Variants in NR2F1-AS1 observed in about 807,000 individuals in gnomAD.
NR2F1-AS1 encodes NR2F1 regulatory antisense RNA 1, also known as NR2F1 antisense RNA 1.
chr5:93,484,778 CA>C (rs61083284), intron 4 of NR2F1-AS1, among the ~76,000 whole-genome samples: 7,769 of 84,260 alleles, frequency 0.092, 535 homozygotes, highest in African/African-American at 0.24. Context: ...AAATGGAAAG[CA>C]AAAAAAAAAA....
intron 1 of NR2F1-AS1, among the ~76,000 whole-genome samples, chr5:93,564,619 C>T (rs1335088893): frequency 1.3e-5 from 2 of 152,100 alleles, no homozygotes; most frequent in East Asian, 1.9e-4. Context: ...AGAAACAAGC[C>T]CATTTTCCAA....
intron 4 of NR2F1-AS1, among the ~76,000 whole-genome samples, chr5:93,507,881 C>T (rs1440645603): frequency 1.3e-5 from 2 of 151,924 alleles, no homozygotes; most frequent in Non-Finnish European, 2.9e-5. Context: ...CCAATAGAAA[C>T]AAAATCATAA....
chr5:93,554,157 T>C (rs1409567894), intron 3 of NR2F1-AS1, among the ~76,000 whole-genome samples: 1 of 152,180 alleles, frequency 6.6e-6, no homozygotes, highest in Non-Finnish European at 1.5e-5. Flanking sequence ...GTTTCTGACT[T>C]GCAAAATCAG....
At chr5:93,458,923 A>G (rs1309387370) in intron 4 of NR2F1-AS1, among the ~76,000 whole-genome samples, 6 of 152,082 alleles carry the variant, frequency 3.9e-5, no homozygotes, top group Admixed American at 3.9e-4. Context: ...GAGACAAGAG[A>G]ATCGCTTGAA....
At chr5:93,442,540 G>A (rs1378723410) in intron 4 of NR2F1-AS1, among the ~76,000 whole-genome samples, 2 of 152,168 alleles carry the variant, frequency 1.3e-5, no homozygotes, top group Non-Finnish European at 2.9e-5. Flanking sequence ...CAAAGTGGCT[G>A]GGAAGCTCAA....
At chr5:93,574,032 T>C (rs955261752) in intron 1 of NR2F1-AS1, among the ~76,000 whole-genome samples, 4 of 152,244 alleles carry the variant, frequency 2.6e-5, no homozygotes, top group African/African-American at 7.2e-5. Flanking sequence ...CAGCAGCTAA[T>C]TGGAAAAGTC....
At chr5:93,418,095 C>T (rs1309259282) in intron 4 of NR2F1-AS1, among the ~76,000 whole-genome samples, 14 of 152,070 alleles carry the variant, frequency 9.2e-5, no homozygotes, top group Non-Finnish European at 1.0e-4. Context: ...TAAAGGATAG[C>T]CAACTATTCT....
intron 4 of NR2F1-AS1, among the ~76,000 whole-genome samples, chr5:93,456,100 A>G (rs1050452204): frequency 2.6e-5 from 4 of 152,210 alleles, no homozygotes; most frequent in Non-Finnish European, 5.9e-5. Flanking sequence ...AAATAATAAC[A>G]GGCACACAGA....
At chr5:93,585,043 G>T, upstream of NR2F1-AS1, 1 of 1,033,968 alleles carries the variant, frequency 9.7e-7, no homozygotes, top group East Asian at 8.8e-5. Context: ...GTAGTTAGCA[G>T]CTGGCGAGAT....
intron 4 of NR2F1-AS1, among the ~76,000 whole-genome samples, chr5:93,502,526 A>G (rs2149886477): frequency 6.6e-6 from 1 of 152,268 alleles, no homozygotes; most frequent in East Asian, 1.9e-4. Flanking sequence ...AGGACAGGAT[A>G]TGTGGTTTGG....
chr5:93,452,839 T>C (rs557518111), intron 4 of NR2F1-AS1, among the ~76,000 whole-genome samples: 1 of 152,058 alleles, frequency 6.6e-6, no homozygotes, highest in East Asian at 1.9e-4. Context: ...CCCAAGTAAT[T>C]TAAATGCATG....
chr5:93,509,569 A>C (rs930302665), intron 4 of NR2F1-AS1, among the ~76,000 whole-genome samples: 24 of 152,058 alleles, frequency 1.6e-4, no homozygotes, highest in Non-Finnish European at 2.8e-4. Context: ...GAAAGTGGTT[A>C]TCTCTGGAGA....
At position 93,519,305 on chromosome 5, in the gene NR2F1-AS1, C is replaced by T. The variant is rs146994712; in HGVS notation, n.638+34456G>A. On this transcript the variant is annotated intron_variant and non_coding_transcript_variant, in intron 4 of 5. Coordinates refer to ENST00000660523, the Ensembl canonical transcript of NR2F1-AS1. ...CATTCCAGGGCACACATTCATTGAGCGAAATATTTTAACTTCTCTTTCTTT... is the reference window on the plus strand; with the variant it reads ...CATTCCAGGGCACACATTCATTGAGTGAAATATTTTAACTTCTCTTTCTTT... Among the ~76,000 whole-genome samples the T allele has an allele frequency of 2.8e-3, 422 of 152,036 alleles. 1 individual carries two copies. Among genetic ancestry groups the T allele is most frequent in the African/African-American group, 1.0e-2 (415 of 41,524 alleles).
chr5:93,490,935 G>C (rs1255985860), intron 4 of NR2F1-AS1, among the ~76,000 whole-genome samples: 1 of 150,348 alleles, frequency 6.7e-6, no homozygotes, highest in Non-Finnish European at 1.5e-5. Context: ...GGTGATGGTG[G>C]TGGTGGGAGT....
upstream of NR2F1-AS1, among the ~76,000 whole-genome samples, chr5:93,581,800 TCTC>T (rs1753075062): frequency 2.1e-5 from 1 of 48,738 alleles, no homozygotes; most frequent in Non-Finnish European, 3.7e-5. Context: ...TCCCTCTCCC[TCTC>T]CCTCTCCCTC....
rs183831095 is a variant in NR2F1-AS1 at position 93,466,580 on chromosome 5, C to T, written n.639-71038G>A. Among the ~76,000 whole-genome samples the T allele has an allele frequency of 1.9e-3, 288 of 152,106 alleles. 3 individuals carry two copies. Among genetic ancestry groups the T allele is most frequent in the African/African-American group, 6.6e-3 (276 of 41,510 alleles). On this transcript the variant is annotated intron_variant and non_coding_transcript_variant, in intron 4 of 5. Coordinates refer to ENST00000660523, the Ensembl canonical transcript of NR2F1-AS1. ...CCCAAACTCCTGACCTGAAGTGACC[C>T]GCCCACCTCAGCCTCCCAAAGTGCT...
chr5:93,557,679 G>A (rs956590109), intron 2 of NR2F1-AS1, among the ~76,000 whole-genome samples: 4 of 152,178 alleles, frequency 2.6e-5, no homozygotes, highest in Non-Finnish European at 5.9e-5. Flanking sequence ...ACTGATCAAG[G>A]TGGTGATTGC....
chr5:93,417,262 A>C (rs547925027), intron 4 of NR2F1-AS1, among the ~76,000 whole-genome samples: 1 of 152,342 alleles, frequency 6.6e-6, no homozygotes, highest in Non-Finnish European at 1.5e-5. Flanking sequence ...CATTTTCATA[A>C]ATTCCAAATT....
intron 4 of NR2F1-AS1, among the ~76,000 whole-genome samples, chr5:93,492,769 G>A (rs933026469): frequency 6.6e-6 from 1 of 151,924 alleles, no homozygotes; most frequent in Non-Finnish European, 1.5e-5. Context: ...CACATTAAGG[G>A]GATGGAGTAA....
Sources: gnomAD v4.1 joint callset for allele counts (sites outside exome capture counted in the v4.1 genomes callset) on GRCh38, gnomAD v4.1.1 for gene constraint, MANE v1.5 for transcripts, NCBI Gene and HGNC (gene_info 2026-07-23, HGNC 2026-07-21) for gene names.